Variants in NBEAL1 observed in about 807,000 individuals in gnomAD.
NBEAL1 encodes neurobeachin-like protein 1.
A neutral mutation model predicts 351.3 loss-of-function variants in NBEAL1; 273 were observed. That is an observed-to-expected ratio of 0.78 (90% CI 0.70 to 0.86). The LOEUF (loss-of-function observed/expected upper bound fraction) is 0.86, where lower values mean the gene tolerates loss of function less well. Among genes scored for constraint, NBEAL1 ranks in the 40% least tolerant of loss-of-function variants. The pLI, the probability that NBEAL1 is intolerant of heterozygous loss-of-function variation, is 0.00. For synonymous variants in NBEAL1, 1,050 were observed against 1,086.4 expected, an observed-to-expected ratio of 0.97 and a Z score of 0.66; for missense variants, 2,961 against 3,201.3, an observed-to-expected ratio of 0.92 and a Z score of 1.81.
intron 39 of NBEAL1, 103 bp downstream of exon 39, chr2:203,169,954 C>A: frequency 1.4e-6 from 1 of 711,116 alleles, no homozygotes; most frequent in Non-Finnish European, 2.4e-6. Flanking sequence ...GCTGTTCTTC[C>A]ATTCAGACTG....
chr2:203,154,245 A>G (rs1177669984), intron 35 of NBEAL1, among the ~76,000 whole-genome samples: 2 of 152,094 alleles, frequency 1.3e-5, no homozygotes, highest in East Asian at 3.8e-4. Flanking sequence ...CAAAAAAAAA[A>G]AAAAAAATTA....
In NBEAL1 at chr2:203,169,809, C is replaced by T. The variant is rs745459975; in HGVS notation, c.6060C>T (p.Ser2020=). The stretch of plus-strand genomic sequence containing the variant: ...ATTCCCCAAATAGTTATTATGGAAG[C>T]AGATCACCACAGGAGTTATTCAAAG... The part of the protein sequence containing the change: ...SLHSPNSYYG[S]RSPQELFKAS... Residue 2020 remains serine (S), a synonymous_variant, in exon 39 of 56, where the codon AGC becomes AGT. Transcript: ENST00000683969. The T allele has an allele frequency of 1.3e-5, 21 of 1,609,986 alleles. No individual in the cohort carries two copies. Among genetic ancestry groups the T allele is most frequent in the Admixed American group, 3.4e-5 (2 of 59,586 alleles).
rs978337213 is a variant in NBEAL1, at chr2:203,083,392, G to A, written c.858G>A (p.Gln286=). The stretch of plus-strand genomic sequence containing the variant: ...TCCTTCTCAGTAGCAACTCTGATCA[G>A]CGTCAAGTGGAAACCAGTACTATTC... ...VHILLSSNSD[Q]RQVETSTILE... is the part of the protein sequence containing the mutation. The change falls in exon 9 of 56, where the codon CAG becomes CAA. Residue 286 remains glutamine (Q), a synonymous_variant. Coordinates refer to ENST00000683969, the MANE Select transcript of NBEAL1 (RefSeq NM_001378026.1). 1.3e-6 allele frequency: 2 copies of A among 1,555,380 alleles called. No homozygotes were observed. Among genetic ancestry groups the A allele is most frequent in the Non-Finnish European group, 1.7e-6 (2 of 1,147,952 alleles).
rs1291041837 is a variant in NBEAL1 at position 203,224,995 on chromosome 2, G to T, written c.*7641G>T. On this transcript the variant is annotated 3_prime_UTR_variant, in exon 56 of 56. Transcript: ENST00000683969. Reference sequence around the variant, plus strand: ...AAGTGCTATTTTTAAAAAATTCATTGTGTGTATATGAGCTAATACTTGATT... The same window carrying T: ...AAGTGCTATTTTTAAAAAATTCATTTTGTGTATATGAGCTAATACTTGATT... Among the ~76,000 whole-genome samples the T allele has an allele frequency of 6.6e-6, 1 of 152,008 alleles. No individual in the cohort carries two copies. Among genetic ancestry groups the T allele is most frequent in the Non-Finnish European group, 1.5e-5 (1 of 67,972 alleles).
Position 203,082,016 on chromosome 2 carries a change from A to G in NBEAL1, c.685-1203A>G, listed in dbSNP as rs183660161. On this transcript the variant is annotated intron_variant, in intron 8 of 55. Transcript: ENST00000683969. ...CTACTCAGGAGGCCAAAGCCTGAAT[A>G]GTTGAGGCTGCAGTGAACCATGATC... is the stretch of plus-strand genomic sequence containing the variant. Among the ~76,000 whole-genome samples the G allele has an allele frequency of 5.3e-5, 8 of 152,344 alleles. No individual in the cohort carries two copies. In the East Asian group the frequency reaches 1.5e-3, roughly 29 times the overall value.
chr2:203,078,338 C>T (rs2061814556), intron 8 of NBEAL1, among the ~76,000 whole-genome samples: 1 of 151,762 alleles, frequency 6.6e-6, no homozygotes, highest in Non-Finnish European at 1.5e-5. Context: ...CTGTCATAAA[C>T]TTTTCTGTTT....
At chr2:203,155,247 CAAA>C (rs71226711) in intron 35 of NBEAL1, among the ~76,000 whole-genome samples, 1 of 138,086 alleles carries the variant, frequency 7.2e-6, no homozygotes, top group African/African-American at 2.7e-5. Flanking sequence ...AACCCTCTCT[CAAA>C]AAAAAAAAAA....
At chr2:203,154,011 G>A (rs1024177928) in intron 35 of NBEAL1, among the ~76,000 whole-genome samples, 29 of 151,678 alleles carry the variant, frequency 1.9e-4, no homozygotes, top group African/African-American at 5.8e-4. Flanking sequence ...TTTGGGAGGC[G>A]GAGGTGGGCG....
rs776997008 is a variant in NBEAL1, at chr2:203,180,488, C to G, written c.6571C>G (p.Pro2191Ala). Residue 2191 changes from proline (P) to alanine (A), a missense_variant, in exon 43 of 56, where the codon CCA (proline) becomes GCA (alanine). By Grantham distance (27) the Pro-to-Ala change is conservative. Transcript: ENST00000683969. ...ACTTATTCCTGAATTCTTCTATTTC[C>G]CAGAGTTTTTGGAAAATCAAAATCG... ...KELIPEFFYF[P>A]EFLENQNQFN... The G allele has an allele frequency of 2.5e-6, 4 of 1,610,354 alleles. No individual in the cohort carries two copies. In the Admixed American group the frequency reaches 6.7e-5, roughly 27 times the overall value.
chr2:203,192,385 AT>A (rs753136759), intron 46 of NBEAL1, among the ~76,000 whole-genome samples: 21,393 of 144,610 alleles, frequency 0.15, 1,713 homozygotes, highest in African/African-American at 0.22. Flanking sequence ...TTAAAAGATA[AT>A]TTTTTTTTTT....
At position 203,180,497 on chromosome 2, in the gene NBEAL1, T is replaced by C. The variant is rs2064677108; in HGVS notation, c.6580T>C (p.Leu2194=). The change falls in exon 43 of 56, where the codon TTG becomes CTG. Residue 2194 remains leucine, a synonymous_variant. Transcript: ENST00000683969. ...IPEFFYFPEF[L]ENQNQFNLGR... ...TGAATTCTTCTATTTCCCAGAGTTTTTGGAAAATCAAAATCGTAAGAAATA... is the reference window on the plus strand; with the variant it reads ...TGAATTCTTCTATTTCCCAGAGTTTCTGGAAAATCAAAATCGTAAGAAATA... The C allele has an allele frequency of 6.2e-7, 1 of 1,609,860 alleles. No homozygotes were observed. Among genetic ancestry groups the C allele is most frequent in the Admixed American group, 1.7e-5 (1 of 59,658 alleles).
intron 12 of NBEAL1, among the ~76,000 whole-genome samples, chr2:203,103,711 G>A (rs2062376155): frequency 6.6e-6 from 1 of 152,094 alleles, no homozygotes; most frequent in South Asian, 2.1e-4. Context: ...TGTTGGATTT[G>A]CAGTCTTTCT....
chr2:203,050,420 A>G (rs1046483325), intron 4 of NBEAL1, among the ~76,000 whole-genome samples: 1 of 152,174 alleles, frequency 6.6e-6, no homozygotes, highest in Non-Finnish European at 1.5e-5. Context: ...TTTAGTTACT[A>G]TACCTAGTTA....
chr2:203,031,985 A>C (rs1247157142), intron 2 of NBEAL1, among the ~76,000 whole-genome samples: 1 of 152,208 alleles, frequency 6.6e-6, no homozygotes, highest in Non-Finnish European at 1.5e-5. Context: ...AAATTAGGCT[A>C]TGAAAGGCAC....
chr2:203,126,006 G>T lies in NBEAL1; in HGVS notation c.2898G>T (p.Val966=), dbSNP rs1274263914. The change falls in exon 21 of 56, where the codon GTG becomes GTT. Residue 966 remains valine, a synonymous_variant. Transcript: ENST00000683969. ...TAGTTGCAACATTTATCTTAATTGT[G>T]AAACATTTTATTCAGAGACATCCTA... ...RNLVATFILI[V]KHFIQRHPIN... is the part of the protein sequence containing the mutation. The T allele has an allele frequency of 6.5e-7, 1 of 1,544,538 alleles. No individual in the cohort carries two copies.
rs185083989 is a variant in NBEAL1 at position 203,210,436 on chromosome 2, C to T, written c.7786-522C>T. Among the ~76,000 whole-genome samples the T allele has an allele frequency of 3.4e-5, 5 of 149,232 alleles. No homozygotes were observed. The East Asian group carries it at 8.0e-4, about 24-fold the overall frequency. ...CAGCACTTTGGGAGGCCGAGGTGGGCGGATCACAAGGTCAGGAGATCGAGA... is the reference window on the plus strand; with the variant it reads ...CAGCACTTTGGGAGGCCGAGGTGGGTGGATCACAAGGTCAGGAGATCGAGA... On this transcript the variant is annotated intron_variant, in intron 53 of 55. Coordinates refer to ENST00000683969, the MANE Select transcript of NBEAL1 (RefSeq NM_001378026.1).
At chr2:203,217,214 T>C (rs758481305) in intron 55 of NBEAL1, 39 bp from the exon 56 acceptor site, 3 of 1,427,146 alleles carry the variant, frequency 2.1e-6, no homozygotes, top group Admixed American at 5.1e-5. Context: ...AATTTTTTCT[T>C]AATATTTATT....
In NBEAL1 at chr2:203,125,975, G is replaced by A. The variant is rs1364216146; in HGVS notation, c.2867G>A (p.Arg956Lys). ...STKASESRLE[R>K]NLVATFILIV... ...GATTCTACAGAGTCAAGACTAGAGA[G>A]AAACCTAGTTGCAACATTTATCTTA... The change falls in exon 21 of 56, where the codon AGA (arginine) becomes AAA (lysine). Residue 956 changes from arginine (R) to lysine (K), a missense_variant. Coordinates refer to ENST00000683969, the MANE Select transcript of NBEAL1 (RefSeq NM_001378026.1). 2.6e-6 allele frequency: 4 copies of A among 1,534,360 alleles called. No homozygotes were observed. The South Asian group carries it at 3.7e-5, about 14-fold the overall frequency.
intron 18 of NBEAL1, among the ~76,000 whole-genome samples, chr2:203,121,855 G>A (rs577604909): frequency 1.3e-4 from 20 of 151,648 alleles, no homozygotes; most frequent in Admixed American, 9.9e-4. Context: ...GCACCGTGTC[G>A]GCTCACTGCA....
Sources: allele counts gnomAD v4.1 joint callset (sites outside exome capture counted in the v4.1 genomes callset), GRCh38; gene constraint gnomAD v4.1.1; transcripts MANE v1.5; gene names NCBI Gene and HGNC (gene_info 2026-07-23, HGNC 2026-07-21).